COLEC11: variants seen among roughly 807,000 people sequenced by gnomAD.
COLEC11 encodes the protein collectin subfamily member 11, also known as collectin-11.
In COLEC11, 20 loss-of-function variants were observed where a neutral mutation model predicts 27.3. The ratio of observed to expected loss-of-function variants is 0.73; its 90% CI spans 0.51 to 1.06. The LOEUF (loss-of-function observed/expected upper bound fraction) is 1.06, where lower values mean the gene tolerates loss of function less well. Among genes scored for constraint, COLEC11 ranks in the 50% least tolerant of loss-of-function variants. The pLI is 0.00. For synonymous variants in COLEC11, 163 were observed against 154.7 expected (o/e 1.05, Z -0.40); for missense variants, 310 against 383.0 (o/e 0.81, Z 1.59).
At chr2:3,637,727 G>A in intron 4 of COLEC11, 123 bp downstream of exon 4, 1 of 836,556 alleles carries the variant, frequency 1.2e-6, no homozygotes, top group Non-Finnish European at 2.0e-6. Context: ...TCGGTGCATG[G>A]TAGATAAGAA....
chr2:3,611,009 G>C (rs916098441), intron 2 of COLEC11, among the ~76,000 whole-genome samples: 1 of 152,060 alleles, frequency 6.6e-6, no homozygotes, highest in African/African-American at 2.4e-5. Flanking sequence ...ACTTTTCTCT[G>C]ATTTTCCCCG....
At chr2:3,615,717 G>A (rs1572417647) in intron 3 of COLEC11, among the ~76,000 whole-genome samples, 1 of 151,402 alleles carries the variant, frequency 6.6e-6, no homozygotes. Flanking sequence ...GGGGGCGGCT[G>A]GGCAGAGGCG....
chr2:3,613,712 A>T (rs1391501301), intron 3 of COLEC11, among the ~76,000 whole-genome samples: 1 of 152,194 alleles, frequency 6.6e-6, no homozygotes, highest in Non-Finnish European at 1.5e-5. Context: ...CAGTGTCGTT[A>T]TGAAGGCGGC....
chr2:3,617,232 C>T (rs1663827726), intron 3 of COLEC11, among the ~76,000 whole-genome samples: 1 of 151,744 alleles, frequency 6.6e-6, no homozygotes, highest in South Asian at 2.1e-4. Flanking sequence ...AAAAAAATGG[C>T]TCTCTGATTA....
chr2:3,617,747 A>G lies in COLEC11; in HGVS notation c.202+4365A>G, dbSNP rs1377334186. On this transcript the variant is annotated intron_variant, in intron 3 of 6. Transcript: ENST00000349077. ...GAGAAGTCTGGTCTGCGCAGTGGCC[A>G]CCACTGAGTTGTCGCTTTTGATTTT... is the stretch of plus-strand genomic sequence containing the variant. 5.4e-6 allele frequency: 7 copies of G among 1,296,836 alleles called. No homozygotes were observed. In the Admixed American group the frequency reaches 8.7e-5, roughly 16 times the overall value. 80.3% of individuals were successfully genotyped at this position (1,296,836 alleles called of 1,614,324 possible). A position where few individuals can be genotyped will look rare whatever the true frequency, so the allele number is the denominator to read the frequency against.
At chr2:3,642,869 C>G (rs1418767953) in intron 5 of COLEC11, among the ~76,000 whole-genome samples, 1 of 152,208 alleles carries the variant, frequency 6.6e-6, no homozygotes, top group African/African-American at 2.4e-5. Context: ...CCTGAGCCGT[C>G]CCTCACGCCC....
intron 3 of COLEC11, among the ~76,000 whole-genome samples, chr2:3,636,450 A>G (rs1282516873): frequency 4.6e-5 from 7 of 152,016 alleles, no homozygotes; most frequent in Non-Finnish European, 8.8e-5. Flanking sequence ...GTAAGACTCC[A>G]TCTCAAAAAA....
At chr2:3,598,940 G>T (rs1314334069) in intron 1 of COLEC11, among the ~76,000 whole-genome samples, 3 of 152,126 alleles carry the variant, frequency 2.0e-5, no homozygotes, top group Non-Finnish European at 2.9e-5. Flanking sequence ...ACGTATATTG[G>T]CTCCTTGTTC....
intron 4 of COLEC11, 107 bp from the exon 5 acceptor site, chr2:3,640,171 C>T: frequency 1.3e-6 from 1 of 753,624 alleles, no homozygotes; most frequent in South Asian, 1.5e-5. Context: ...AACAAGAGGG[C>T]CTGGGATAAA....
At chr2:3,626,067 G>C in intron 3 of COLEC11, 1 of 1,614,038 alleles carries the variant, frequency 6.2e-7, no homozygotes, top group Non-Finnish European at 8.5e-7. Context: ...AGTGCACCTC[G>C]TCCTTTGTAG....
chr2:3,609,653 C>T (rs1663036723), intron 2 of COLEC11, among the ~76,000 whole-genome samples: 1 of 152,072 alleles, frequency 6.6e-6, no homozygotes, highest in Non-Finnish European at 1.5e-5. Context: ...CCTCAGCCTC[C>T]AGAGTAGCTG....
intron 2 of COLEC11, among the ~76,000 whole-genome samples, chr2:3,607,806 C>G (rs945894829): frequency 6.6e-6 from 1 of 152,162 alleles, no homozygotes; most frequent in Non-Finnish European, 1.5e-5. Context: ...TTGATAAAAC[C>G]AGTAATGGGG....
intron 3 of COLEC11, among the ~76,000 whole-genome samples, chr2:3,636,743 G>A (rs1050207335): frequency 2.6e-5 from 4 of 152,132 alleles, no homozygotes; most frequent in South Asian, 4.1e-4. Flanking sequence ...AACACTTTGC[G>A]GGAGGGAGTA....
chr2:3,626,540 G>A (rs931746330), intron 3 of COLEC11, among the ~76,000 whole-genome samples: 2 of 152,216 alleles, frequency 1.3e-5, no homozygotes, highest in Non-Finnish European at 2.9e-5. Flanking sequence ...GGTGGTTGCT[G>A]TTATTATTCT....
chr2:3,595,689 CTT>C (rs909361773), intron 1 of COLEC11, among the ~76,000 whole-genome samples: 1 of 152,134 alleles, frequency 6.6e-6, no homozygotes, highest in African/African-American at 2.4e-5. Flanking sequence ...CAGGGAAAGA[CTT>C]TGAGTTCAGA....
At chr2:3,599,272 T>C (rs756053064) in intron 1 of COLEC11, among the ~76,000 whole-genome samples, 1 of 152,182 alleles carries the variant, frequency 6.6e-6, no homozygotes, top group Non-Finnish European at 1.5e-5. Flanking sequence ...GTCATTTCTG[T>C]AAGGGGCTCT....
intron 5 of COLEC11, among the ~76,000 whole-genome samples, chr2:3,641,724 G>T (rs1036858076): frequency 3.9e-5 from 6 of 152,262 alleles, no homozygotes; most frequent in Admixed American, 6.5e-5. Flanking sequence ...GTGGAGGGGG[G>T]GTGTCTCACG....
At chr2:3,601,717 A>C (rs1190213451) in intron 1 of COLEC11, among the ~76,000 whole-genome samples, 1 of 152,140 alleles carries the variant, frequency 6.6e-6, no homozygotes, top group East Asian at 1.9e-4. Flanking sequence ...TCGGCAAGTG[A>C]AGCTCTCCCA....
intron 1 of COLEC11, among the ~76,000 whole-genome samples, chr2:3,600,375 T>A (rs971660554): frequency 4.6e-5 from 7 of 151,770 alleles, no homozygotes; most frequent in African/African-American, 1.7e-4. Flanking sequence ...GGCAACATGG[T>A]GAGAACCTGT....
Sources: gnomAD v4.1 joint callset for allele counts (sites outside exome capture counted in the v4.1 genomes callset) on GRCh38, gnomAD v4.1.1 for gene constraint, MANE v1.5 for transcripts, NCBI Gene and HGNC (gene_info 2026-07-23, HGNC 2026-07-21) for gene names.